EYS: variants seen among roughly 807,000 people sequenced by gnomAD.
The protein encoded by EYS is protein eyes shut homolog.
EYS carries 250 observed loss-of-function variants against 282.1 expected under a neutral mutation model. The ratio of observed to expected loss-of-function variants is 0.89; its 90% CI spans 0.80 to 0.98. The LOEUF (loss-of-function observed/expected upper bound fraction) is 0.98, where lower values mean the gene tolerates loss of function less well. Ranked by LOEUF, EYS falls within the 50% of genes least tolerant of loss-of-function variation. EYS has a pLI of 0.00. For synonymous variants in EYS, 1,355 were observed against 1,282.9 expected, an observed-to-expected ratio of 1.06 and a Z score of -1.20; for missense variants, 4,016 against 3,709.0, an observed-to-expected ratio of 1.08 and a Z score of -2.15.
At chr6:65,179,249 C>A (rs1245080015) in intron 12 of EYS, among the ~76,000 whole-genome samples, 2 of 147,468 alleles carry the variant, frequency 1.4e-5, no homozygotes, top group Non-Finnish European at 3.0e-5. Context: ...CAAAAAAAAA[C>A]CCTTAAAAAA....
At chr6:64,619,881 C>T (rs1442850448) in intron 23 of EYS, among the ~76,000 whole-genome samples, 2 of 152,024 alleles carry the variant, frequency 1.3e-5, no homozygotes, top group Non-Finnish European at 2.9e-5. Flanking sequence ...CTCAAAGAGA[C>T]AGAGAAATAA....
At chr6:64,549,198 G>C (rs1160438935) in intron 26 of EYS, among the ~76,000 whole-genome samples, 1 of 152,146 alleles carries the variant, frequency 6.6e-6, no homozygotes, top group Admixed American at 6.5e-5. Context: ...CTCACACACA[G>C]ATACTCATCC....
At chr6:64,310,425 T>G (rs1421170002) in intron 29 of EYS, among the ~76,000 whole-genome samples, 1 of 152,202 alleles carries the variant, frequency 6.6e-6, no homozygotes, top group African/African-American at 2.4e-5. Flanking sequence ...ACATGTCTAT[T>G]GCAGGGACAT....
chr6:63,999,239 A>T (rs962515276), intron 33 of EYS, 56 bp from the exon 34 acceptor site: 5 of 1,064,280 alleles, frequency 4.7e-6, no homozygotes, highest in Non-Finnish European at 7.1e-6. Context: ...AGAAAGGAGT[A>T]ACTTCACACA....
intron 11 of EYS, chr6:65,329,930 C>T: frequency 1.0e-6 from 1 of 977,814 alleles, no homozygotes. Context: ...TTACTTATAA[C>T]TGAAAATTAT....
rs750467630 is a variant in EYS, at chr6:65,442,728, T to C, written c.863-37361A>G. 2.5e-4 allele frequency among the ~76,000 whole-genome samples: 38 copies of C among 151,412 alleles called. 6 individuals are homozygous for C. The highest frequency in any genetic ancestry group is 5.3e-4 in the Non-Finnish European group (36 of 67,902). ...AAGATTGTGCCACTGCACTCCAGGCTGGGTGACAGAGCGAGACTCCATCTC... is the reference window on the plus strand; with the variant it reads ...AAGATTGTGCCACTGCACTCCAGGCCGGGTGACAGAGCGAGACTCCATCTC... On this transcript the variant is annotated intron_variant, in intron 5 of 42. Coordinates refer to ENST00000503581, the MANE Select transcript of EYS (RefSeq NM_001142800.2).
intron 30 of EYS, among the ~76,000 whole-genome samples, chr6:64,278,717 A>ACTCTCT (rs113366162): frequency 5.6e-5 from 8 of 142,136 alleles, no homozygotes; most frequent in South Asian, 2.3e-4. Flanking sequence ...TCAGCCAAAA[A>ACTCTCT]CTCTCTCTCT....
chr6:64,996,239 C>T (rs1197424912), intron 14 of EYS, among the ~76,000 whole-genome samples: 3 of 152,056 alleles, frequency 2.0e-5, no homozygotes, highest in Non-Finnish European at 2.9e-5. Flanking sequence ...TATCTCTAAT[C>T]TCTGCTGTTT....
intron 19 of EYS, among the ~76,000 whole-genome samples, chr6:64,831,262 T>A (rs1765205502): frequency 6.6e-6 from 1 of 151,974 alleles, no homozygotes. Context: ...GGAAAAAATG[T>A]TGAAAGTGTA....
At chr6:63,792,717 G>A (rs541032562) in intron 37 of EYS, among the ~76,000 whole-genome samples, 22 of 149,012 alleles carry the variant, frequency 1.5e-4, no homozygotes, top group South Asian at 4.2e-4. Flanking sequence ...TTTTTTTTTC[G>A]TAATAAGGCC....
chr6:63,734,194 G>A lies in EYS; in HGVS notation c.8072-7514C>T, dbSNP rs188601939. Among the ~76,000 whole-genome samples the A allele has an allele frequency of 4.2e-3, 634 of 152,112 alleles. 7 individuals are homozygous for A. Among genetic ancestry groups the A allele is most frequent in the African/African-American group, 0.015 (608 of 41,504 alleles). On this transcript the variant is annotated intron_variant, in intron 41 of 42. Transcript: ENST00000503581. ...CTATGCTCACTACCTGGGTGACTGG[G>A]TTCAATTGTACCTCCAACCTTAGAA...
intron 7 of EYS, among the ~76,000 whole-genome samples, chr6:65,397,222 A>G (rs995996666): frequency 2.8e-4 from 42 of 151,874 alleles, no homozygotes; most frequent in Non-Finnish European, 8.8e-5. Flanking sequence ...TTTAGAGACT[A>G]CAAGTGCAGT....
At chr6:65,403,938 C>T (rs937312511) in intron 6 of EYS, among the ~76,000 whole-genome samples, 27 of 151,832 alleles carry the variant, frequency 1.8e-4, no homozygotes, top group Non-Finnish European at 3.8e-4. Flanking sequence ...ATTTATATAA[C>T]AACTTTTTAT....
intron 15 of EYS, among the ~76,000 whole-genome samples, chr6:64,921,995 T>A (rs977141536): frequency 1.3e-5 from 2 of 151,862 alleles, no homozygotes; most frequent in African/African-American, 4.8e-5. Flanking sequence ...TTGCTTGAAA[T>A]ATAAGGCTGG....
intron 31 of EYS, among the ~76,000 whole-genome samples, chr6:64,153,286 T>C (rs1381789082): frequency 3.9e-5 from 6 of 152,198 alleles, no homozygotes; most frequent in Admixed American, 3.9e-4. Flanking sequence ...CTTGTGTTTA[T>C]AAATGTAATC....
chr6:64,913,073 AG>A (rs1392321119), intron 15 of EYS, among the ~76,000 whole-genome samples: 1 of 152,136 alleles, frequency 6.6e-6, no homozygotes, highest in East Asian at 1.9e-4. Context: ...ATTTAATATA[AG>A]TTTTACAGAT....
intron 2 of EYS, among the ~76,000 whole-genome samples, chr6:65,518,265 C>T (rs1221276448): frequency 6.6e-6 from 1 of 152,026 alleles, no homozygotes; most frequent in Non-Finnish European, 1.5e-5. Context: ...ATAAAATTAA[C>T]ATATTATGAA....
chr6:64,274,625 G>T (rs57703057), intron 30 of EYS, among the ~76,000 whole-genome samples: 1 of 151,360 alleles, frequency 6.6e-6, no homozygotes, highest in African/African-American at 2.4e-5. Flanking sequence ...TCTTCAGTCA[G>T]ATGTCAGCCC....
chr6:65,138,899 C>G (rs1776098158), intron 12 of EYS, among the ~76,000 whole-genome samples: 1 of 152,024 alleles, frequency 6.6e-6, no homozygotes, highest in South Asian at 2.1e-4. Flanking sequence ...CCATTTCACA[C>G]CAGTCAGAAT....
Sources: gnomAD v4.1 joint callset for allele counts (sites outside exome capture counted in the v4.1 genomes callset) on GRCh38, gnomAD v4.1.1 for gene constraint, MANE v1.5 for transcripts, NCBI Gene and HGNC (gene_info 2026-07-23, HGNC 2026-07-21) for gene names.